YAP1: variants seen among roughly 807,000 people sequenced by gnomAD.
YAP1 encodes transcriptional coactivator YAP1.
Under a neutral mutation model 56.9 loss-of-function variants are expected in YAP1, and 5 were observed. The ratio of observed to expected loss-of-function variants is 0.09; its 90% CI spans 0.05 to 0.18. The LOEUF is 0.18. Among genes scored for constraint, YAP1 ranks in the 10% least tolerant of loss-of-function variants. The pLI is 1.00. For missense variants in YAP1, 539 were observed against 651.8 expected, an observed-to-expected ratio of 0.83 and a Z score of 1.88; for synonymous variants, 265 against 248.1, an observed-to-expected ratio of 1.07 and a Z score of -0.64.
chr11:102,219,734 C>T (rs1410841784), intron 6 of YAP1, among the ~76,000 whole-genome samples: 1 of 151,618 alleles, frequency 6.6e-6, no homozygotes, highest in Non-Finnish European at 1.5e-5. Context: ...AAGATTATAC[C>T]TGATGACCTG....
At chr11:102,151,346 TC>T (rs1208832205) in intron 2 of YAP1, among the ~76,000 whole-genome samples, 1 of 152,148 alleles carries the variant, frequency 6.6e-6, no homozygotes, top group Non-Finnish European at 1.5e-5. Flanking sequence ...GCCCATGGTT[TC>T]CCCTTGCCTC....
chr11:102,210,728 G>C (rs1355217972), intron 6 of YAP1, among the ~76,000 whole-genome samples: 1 of 151,994 alleles, frequency 6.6e-6, no homozygotes, highest in Non-Finnish European at 1.5e-5. Context: ...TGAAGTGTTT[G>C]TTTTGTTTTG....
At chr11:102,227,340 A>G (rs192105328) in intron 7 of YAP1, 129 bp from the exon 8 acceptor site, 223 of 662,854 alleles carry the variant, frequency 3.4e-4, no homozygotes, top group Non-Finnish European at 5.1e-4. Context: ...CTTGTTTCAG[A>G]CATTGCAGGA....
At chr11:102,149,727 G>C (rs982060868) in intron 2 of YAP1, among the ~76,000 whole-genome samples, 31 of 152,096 alleles carry the variant, frequency 2.0e-4, no homozygotes, top group African/African-American at 7.0e-4. Flanking sequence ...GAATACCTTT[G>C]TTTTCAGTTA....
Position 102,114,325 on chromosome 11 carries a change from C to A in YAP1, c.503C>A (p.Pro168His). 6.2e-7 allele frequency: 1 copy of A among 1,614,164 alleles called. No homozygotes were observed. Among genetic ancestry groups the A allele is most frequent in the Non-Finnish European group, 8.5e-7 (1 of 1,180,028 alleles). ...CTTCGACAGTCTTCTTTTGAGATAC[C>A]TGATGATGTACCTCTGCCAGCAGGT... ...QHLRQSSFEIPDDVPLPAGWE... is the reference protein window; with the variant it reads ...QHLRQSSFEIHDDVPLPAGWE... Residue 168 changes from proline (P) to histidine (H), a missense_variant, in exon 2 of 9, where the codon CCT (proline) becomes CAT (histidine). Physicochemically the swap from Pro to His is moderately conservative, Grantham distance 77. Transcript: ENST00000282441.
chr11:102,224,057 T>A (rs963464120), intron 7 of YAP1, among the ~76,000 whole-genome samples: 1 of 152,240 alleles, frequency 6.6e-6, no homozygotes, highest in African/African-American at 2.4e-5. Context: ...AACATGTGAA[T>A]GCCTTTCTGT....
intron 4 of YAP1, among the ~76,000 whole-genome samples, chr11:102,200,414 A>G (rs1047318198): frequency 1.4e-4 from 21 of 152,152 alleles, no homozygotes; most frequent in Middle Eastern, 6.8e-3. Flanking sequence ...AGATTTTTAA[A>G]AAGATTGACA....
At chr11:102,222,945 T>G (rs1204007599) in intron 6 of YAP1, among the ~76,000 whole-genome samples, 3 of 151,900 alleles carry the variant, frequency 2.0e-5, no homozygotes, top group Admixed American at 1.3e-4. Flanking sequence ...AAGCAAACTT[T>G]AAGAATTATT....
chr11:102,121,154 A>T (rs1365781117), intron 2 of YAP1, among the ~76,000 whole-genome samples: 1 of 152,186 alleles, frequency 6.6e-6, no homozygotes, highest in Non-Finnish European at 1.5e-5. Context: ...GAAATAATTC[A>T]TGGCCAGCCG....
rs112815229 is a variant in YAP1 at position 102,121,704 on chromosome 11, C to G, written c.572+7310C>G. Among the ~76,000 whole-genome samples the G allele has an allele frequency of 4.8e-3, 734 of 152,336 alleles. 3 individuals are homozygous for G. Among genetic ancestry groups the G allele is most frequent in the Middle Eastern group, 0.014 (4 of 294 alleles). ...TACTATCTGCTGTTTCAAGCATCCA[C>G]TGTGGGGCTTGGATCATTTCCCCTG... On this transcript the variant is annotated intron_variant, in intron 2 of 8. Coordinates refer to ENST00000282441, the MANE Select transcript of YAP1 (RefSeq NM_001130145.3).
intron 3 of YAP1, among the ~76,000 whole-genome samples, chr11:102,175,951 T>C (rs1414447911): frequency 2.0e-5 from 3 of 152,176 alleles, no homozygotes; most frequent in African/African-American, 7.2e-5. Flanking sequence ...TGCCTAAAAA[T>C]CTTAGTAGTG....
At chr11:102,132,471 C>T (rs970768943) in intron 2 of YAP1, among the ~76,000 whole-genome samples, 1 of 152,182 alleles carries the variant, frequency 6.6e-6, no homozygotes, top group East Asian at 1.9e-4. Flanking sequence ...CTTGAAAAGC[C>T]ATTTAATGAC....
intron 4 of YAP1, among the ~76,000 whole-genome samples, chr11:102,198,590 C>T (rs1005032200): frequency 2.6e-5 from 4 of 152,106 alleles, no homozygotes; most frequent in Non-Finnish European, 5.9e-5. Context: ...TTCCAACACT[C>T]CTCAGCTTAC....
chr11:102,130,640 C>T (rs1344222860), intron 2 of YAP1, among the ~76,000 whole-genome samples: 1 of 150,396 alleles, frequency 6.6e-6, no homozygotes, highest in East Asian at 2.0e-4. Flanking sequence ...TGGACTCAAG[C>T]AATCTGCTCA....
intron 2 of YAP1, among the ~76,000 whole-genome samples, chr11:102,152,477 A>G (rs903815826): frequency 5.9e-5 from 9 of 152,176 alleles, no homozygotes; most frequent in African/African-American, 2.2e-4. Flanking sequence ...AGGGAAAGCC[A>G]GGCTACTCTG....
At chr11:102,190,766 C>T (rs1444095560) in intron 4 of YAP1, among the ~76,000 whole-genome samples, 10 of 152,096 alleles carry the variant, frequency 6.6e-5, no homozygotes, top group African/African-American at 1.9e-4. Flanking sequence ...GGTCAAACCC[C>T]GTCTACTAAA....
chr11:102,160,018 ATTTTTT>A (rs34332940), intron 2 of YAP1, among the ~76,000 whole-genome samples: 4 of 109,006 alleles, frequency 3.7e-5, no homozygotes, highest in African/African-American at 1.1e-4. Context: ...TACATAAAGG[ATTTTTT>A]TTTTTTTTTT....
intron 2 of YAP1, among the ~76,000 whole-genome samples, chr11:102,145,776 T>C (rs1335863466): frequency 6.6e-6 from 1 of 152,214 alleles, no homozygotes; most frequent in African/African-American, 2.4e-5. Context: ...ACTTCATAAA[T>C]TCACTATTCC....
intron 2 of YAP1, among the ~76,000 whole-genome samples, chr11:102,137,489 A>AT (rs1445409260): frequency 1.3e-5 from 2 of 152,220 alleles, no homozygotes; most frequent in Non-Finnish European, 2.9e-5. Flanking sequence ...GGTGATGGGT[A>AT]TATGAATGTT....
Sources: gnomAD v4.1 joint callset for allele counts (sites outside exome capture counted in the v4.1 genomes callset) on GRCh38, gnomAD v4.1.1 for gene constraint, MANE v1.5 for transcripts, NCBI Gene and HGNC (gene_info 2026-07-23, HGNC 2026-07-21) for gene names.